Variants in RASA3 observed in about 807,000 individuals in gnomAD.
The protein encoded by RASA3 is ras GTPase-activating protein 3.
In RASA3, 73 loss-of-function variants were observed where a neutral mutation model predicts 110.0. The ratio of observed to expected loss-of-function variants is 0.66; its 90% CI spans 0.55 to 0.81. RASA3 has a LOEUF of 0.81. Among genes scored for constraint, RASA3 ranks in the 30% least tolerant of loss-of-function variants. The pLI is 0.00. For missense variants in RASA3, 976 were observed against 1,113.2 expected, an observed-to-expected ratio of 0.88 and a Z score of 1.75; for synonymous variants, 500 against 451.4, an observed-to-expected ratio of 1.11 and a Z score of -1.37.
At chr13:114,111,224 C>A (rs78617582) in intron 1 of RASA3, among the ~76,000 whole-genome samples, 1 of 9,704 alleles carries the variant, frequency 1.0e-4, no homozygotes, top group African/African-American at 3.4e-4. Context: ...AGCCTCAAAC[C>A]AGCTGCAGGC....
At chr13:114,015,380 G>C (rs1389267685) in intron 13 of RASA3, 48 bp from the exon 14 acceptor site, 1 of 1,606,944 alleles carries the variant, frequency 6.2e-7, no homozygotes, top group African/African-American at 1.3e-5. Context: ...CTGCCCACAG[G>C]TGCGTGTAGC....
intron 18 of RASA3, among the ~76,000 whole-genome samples, chr13:114,005,147 G>C (rs2053486674): frequency 1.3e-5 from 2 of 152,162 alleles, no homozygotes; most frequent in Admixed American, 1.3e-4. Context: ...AGCGGGAGAG[G>C]AATGAGAAAT....
At chr13:114,116,824 C>T (rs1258969149) in intron 1 of RASA3, among the ~76,000 whole-genome samples, 9 of 112,034 alleles carry the variant, frequency 8.0e-5, no homozygotes, top group Admixed American at 5.3e-4. Flanking sequence ...GAAGAGAGCA[C>T]GTGTGTGAGG....
intron 1 of RASA3, among the ~76,000 whole-genome samples, chr13:114,095,579 C>A (rs1005174348): frequency 6.6e-6 from 1 of 152,116 alleles, no homozygotes; most frequent in Non-Finnish European, 1.5e-5. Flanking sequence ...CTCCTTCCTG[C>A]GGCTGATTAA....
Position 114,049,659 on chromosome 13 carries a change from C to T in RASA3, c.277+2393G>A, listed in dbSNP as rs538317330. Among the ~76,000 whole-genome samples, 28 of 152,398 alleles carry T rather than the reference C, an allele frequency of 1.8e-4. No individual in the cohort carries two copies. The South Asian group carries it at 5.6e-3, about 30-fold the overall frequency. On this transcript the variant is annotated intron_variant, in intron 3 of 23. Coordinates refer to ENST00000334062, the MANE Select transcript of RASA3 (RefSeq NM_007368.4). ...CCTGACACACGGTCACACCTCAATT[C>T]GCGCGTGGCGCCCGGCACAGGCTGA...
chr13:114,076,568 G>C (rs2079687781), intron 1 of RASA3, among the ~76,000 whole-genome samples: 1 of 151,504 alleles, frequency 6.6e-6, no homozygotes, highest in South Asian at 2.1e-4. Flanking sequence ...AGCACACGCA[G>C]GCAGCACACG....
intron 1 of RASA3, among the ~76,000 whole-genome samples, chr13:114,129,050 T>C (rs1186133433): frequency 2.0e-5 from 3 of 152,062 alleles, no homozygotes; most frequent in African/African-American, 4.8e-5. Context: ...ACGGAAGACA[T>C]CACTGCGAGG....
Position 114,029,590 on chromosome 13 carries a change from G to A in RASA3, c.449+221C>T, listed in dbSNP as rs556831271. Among the ~76,000 whole-genome samples, 202 of 40,324 alleles carry A rather than the reference G, an allele frequency of 5.0e-3. 44 individuals are homozygous for A. Among genetic ancestry groups the A allele is most frequent in the Admixed American group, 7.3e-3 (35 of 4,768 alleles). The allele number at this position is 40,324 out of a possible 152,430, so 26.5% of individuals were successfully genotyped here. ...GGTGGGCCAGGACCTCTAAAACGGC[G>A]TCATCCTGGGGGCCAGGACCTCTAA... On this transcript the variant is annotated intron_variant, in intron 5 of 23. Coordinates refer to ENST00000334062, the MANE Select transcript of RASA3 (RefSeq NM_007368.4).
chr13:114,083,514 AGT>A, intron 1 of RASA3, among the ~76,000 whole-genome samples: 1 of 141,436 alleles, frequency 7.1e-6, no homozygotes, highest in East Asian at 2.1e-4. Context: ...GGAAGTGCTG[AGT>A]CTGGAGTATC....
In RASA3 at chr13:114,107,060, C is replaced by T. The variant is rs980174264; in HGVS notation, c.55+25375G>A. On this transcript the variant is annotated intron_variant, in intron 1 of 23. Transcript: ENST00000334062. ...ACGCCCACACCTCCTCTCTCGTGCA[C>T]GGCCACATCTGGATCAGATGTGCAG... 1.4e-4 allele frequency among the ~76,000 whole-genome samples: 21 copies of T among 152,370 alleles called. 1 individual carries two copies. Among genetic ancestry groups the T allele is most frequent in the African/African-American group, 4.3e-4 (18 of 41,584 alleles).
intron 1 of RASA3, among the ~76,000 whole-genome samples, chr13:114,124,468 G>T (rs778579925): frequency 2.0e-5 from 3 of 152,240 alleles, no homozygotes; most frequent in Non-Finnish European, 4.4e-5. Context: ...GGCGTTCCCG[G>T]GCACCTCGGT....
At chr13:114,090,725 T>C (rs2079880339) in intron 1 of RASA3, among the ~76,000 whole-genome samples, 1 of 152,198 alleles carries the variant, frequency 6.6e-6, no homozygotes. Context: ...GCTCAGGCAG[T>C]GAACACGCAG....
At chr13:114,107,180 G>A (rs1286839739) in intron 1 of RASA3, among the ~76,000 whole-genome samples, 12 of 152,224 alleles carry the variant, frequency 7.9e-5, no homozygotes, top group African/African-American at 2.4e-4. Context: ...CACGGGGTAC[G>A]TGGCCTGTGT....
intron 19 of RASA3, 78 bp downstream of exon 19, chr13:114,000,748 T>TC: frequency 9.3e-7 from 1 of 1,080,764 alleles, no homozygotes; most frequent in Non-Finnish European, 1.4e-6. Flanking sequence ...CCCTCAGCTC[T>TC]CCCCCTGAAA....
chr13:114,005,630 G>T (rs944645353), intron 18 of RASA3, among the ~76,000 whole-genome samples: 1 of 152,154 alleles, frequency 6.6e-6, no homozygotes, highest in Non-Finnish European at 1.5e-5. Flanking sequence ...CACGGCCAGT[G>T]GTACAGAAAT....
intron 3 of RASA3, among the ~76,000 whole-genome samples, chr13:114,050,722 G>A (rs776536431): frequency 1.4e-4 from 21 of 152,340 alleles, no homozygotes; most frequent in South Asian, 2.1e-4. Context: ...CAGCCTACGC[G>A]TTACCTACTA....
chr13:114,079,720 C>T (rs927998679), intron 1 of RASA3, among the ~76,000 whole-genome samples: 6 of 152,324 alleles, frequency 3.9e-5, no homozygotes, highest in East Asian at 3.9e-4. Flanking sequence ...GACCCCTCTC[C>T]GGGCTCTGAG....
rs1408886941 is a variant in RASA3, at chr13:114,030,424, A to G, written c.373-537T>C. ...GACTCACGCAGAGAGCAAGACTCAC[A>G]CAGAGGGCAAGGCTCACACAGAGGG... On this transcript the variant is annotated intron_variant, in intron 4 of 23. Transcript: ENST00000334062. Among the ~76,000 whole-genome samples, 177 of 67,522 alleles carry G rather than the reference A, an allele frequency of 2.6e-3. 1 individual carries two copies. The highest frequency in any genetic ancestry group is 7.0e-3 in the African/African-American group (156 of 22,356). 44.3% of individuals were successfully genotyped at this position (67,522 alleles called of 152,430 possible).
At chr13:114,039,934 G>A (rs997672813) in intron 4 of RASA3, among the ~76,000 whole-genome samples, 1 of 152,224 alleles carries the variant, frequency 6.6e-6, no homozygotes, top group South Asian at 2.1e-4. Context: ...CGGGAGACCA[G>A]AACGCTCTTT....
Sources: gnomAD v4.1 joint callset for allele counts (sites outside exome capture counted in the v4.1 genomes callset) on GRCh38, gnomAD v4.1.1 for gene constraint, MANE v1.5 for transcripts, NCBI Gene and HGNC (gene_info 2026-07-23, HGNC 2026-07-21) for gene names.